The following CSMD1 variants were observed in gnomAD, a reference collection of about 807,000 sequenced individuals.
The protein encoded by CSMD1 is CUB and Sushi multiple domains 1, also known as CUB and sushi domain-containing protein 1.
A neutral mutation model predicts 417.5 loss-of-function variants in CSMD1; 213 were observed. The observed-to-expected ratio is 0.51, with a 90% confidence interval of 0.46 to 0.57. The LOEUF (loss-of-function observed/expected upper bound fraction) is 0.57. CSMD1 is among the 20% of genes least tolerant of loss of function. CSMD1 has a pLI of 0.00. For synonymous variants in CSMD1, 2,862 were observed against 1,736.8 expected (o/e 1.65, Z -16.11); for missense variants, 6,923 against 4,529.7 (o/e 1.53, Z -15.17).
chr8:3,980,735 C>T (rs1055024640), intron 5 of CSMD1, among the ~76,000 whole-genome samples: 1 of 152,112 alleles, frequency 6.6e-6, no homozygotes, highest in Non-Finnish European at 1.5e-5. Context: ...AGCCCCCACC[C>T]TTCTGAATTC....
chr8:4,864,341 G>A (rs1422131294), intron 1 of CSMD1, among the ~76,000 whole-genome samples: 1 of 151,576 alleles, frequency 6.6e-6, no homozygotes, highest in Admixed American at 6.6e-5. Context: ...CATATAATTA[G>A]AATGAAAACA....
intron 5 of CSMD1, among the ~76,000 whole-genome samples, chr8:3,940,895 C>CG (rs1810834718): frequency 1.3e-5 from 2 of 150,988 alleles, no homozygotes; most frequent in East Asian, 3.9e-4. Flanking sequence ...CTTCTCCCCC[C>CG]GAGATTATGT....
intron 5 of CSMD1, among the ~76,000 whole-genome samples, chr8:3,851,464 G>C (rs987408517): frequency 6.6e-6 from 1 of 152,124 alleles, no homozygotes; most frequent in Non-Finnish European, 1.5e-5. Context: ...ATTATCTCAA[G>C]GGAAAAAGTA....
intron 1 of CSMD1, among the ~76,000 whole-genome samples, chr8:4,918,168 G>C (rs557459458): frequency 2.0e-4 from 30 of 152,318 alleles, no homozygotes; most frequent in African/African-American, 7.2e-4. Flanking sequence ...CCGTGTTGGT[G>C]TTGGTGACTC....
rs1163963638 is a variant in CSMD1 at position 4,446,745 on chromosome 8, G to GTC, written c.303-26681_303-26680insGA. On this transcript the variant is annotated intron_variant, in intron 2 of 69. Coordinates refer to ENST00000635120, the MANE Select transcript of CSMD1 (RefSeq NM_033225.6). ...TGTGTGTGTGTGTCTGTGTGTGTGTGTGTGTGTGTCTGTGTGTGTGTGTGT... is the reference window on the plus strand; with the variant it reads ...TGTGTGTGTGTGTCTGTGTGTGTGTGTCTGTGTGTGTCTGTGTGTGTGTGTGT... Among the ~76,000 whole-genome samples, 21 of 115,846 alleles carry GTC rather than the reference G, an allele frequency of 1.8e-4. No individual in the cohort carries two copies. The Middle Eastern group carries it at 0.021, about 115-fold the overall frequency. The allele number at this position is 115,846 out of a possible 152,430, so 76.0% of individuals were successfully genotyped here. A position where few individuals can be genotyped will look rare whatever the true frequency, so the allele number is the denominator to read the frequency against.
chr8:3,246,789 C>T (rs1035686025), intron 26 of CSMD1, among the ~76,000 whole-genome samples: 1 of 152,118 alleles, frequency 6.6e-6, no homozygotes, highest in Non-Finnish European at 1.5e-5. Context: ...TTTTCTTAAT[C>T]ATCAATATTT....
At chr8:4,441,354 C>A (rs192418393) in intron 2 of CSMD1, among the ~76,000 whole-genome samples, 13 of 146,996 alleles carry the variant, frequency 8.8e-5, no homozygotes, top group African/African-American at 3.3e-4. Flanking sequence ...CCCAAGCAAT[C>A]CTCCTGTCTG....
intron 5 of CSMD1, among the ~76,000 whole-genome samples, chr8:3,927,879 A>G (rs1809857159): frequency 6.6e-6 from 1 of 152,302 alleles, no homozygotes; most frequent in South Asian, 2.1e-4. Context: ...AACATTCTTA[A>G]TATGAGAGTC....
chr8:3,750,858 G>C (rs1360490553), intron 6 of CSMD1, among the ~76,000 whole-genome samples: 2 of 152,106 alleles, frequency 1.3e-5, no homozygotes, highest in East Asian at 1.9e-4. Flanking sequence ...AACCATACTG[G>C]AGCTTCCATT....
At chr8:4,585,357 G>C (rs1167629882) in intron 2 of CSMD1, among the ~76,000 whole-genome samples, 11 of 151,910 alleles carry the variant, frequency 7.2e-5, no homozygotes, top group African/African-American at 2.7e-4. Flanking sequence ...TAGAGAACTA[G>C]AAAAAAGGTT....
intron 1 of CSMD1, chr8:4,788,179 A>G (rs1740570437): frequency 1.9e-6 from 3 of 1,596,480 alleles, no homozygotes; most frequent in African/African-American, 2.7e-5. Context: ...GCCTGTGGAA[A>G]TTTTGGCATT....
At chr8:3,603,765 T>C (rs766544634) in intron 8 of CSMD1, among the ~76,000 whole-genome samples, 23 of 152,202 alleles carry the variant, frequency 1.5e-4, no homozygotes, top group Non-Finnish European at 2.8e-4. Flanking sequence ...TTACAAATGT[T>C]TCATCTATTA....
At chr8:3,419,029 G>A (rs1553181) in intron 12 of CSMD1, among the ~76,000 whole-genome samples, 2,886 of 152,072 alleles carry the variant, frequency 0.019, 56 homozygotes, top group East Asian at 0.096. Context: ...CATTATACTC[G>A]AGGCATACAA....
intron 20 of CSMD1, among the ~76,000 whole-genome samples, 168 bp from the exon 21 acceptor site, chr8:3,359,508 A>G (rs961477237): frequency 6.6e-6 from 1 of 150,910 alleles, no homozygotes; most frequent in African/African-American, 2.4e-5. Flanking sequence ...TGTACTATGA[A>G]CTGTCTTATG....
At chr8:4,855,745 C>A (rs1488916210) in intron 1 of CSMD1, among the ~76,000 whole-genome samples, 1 of 151,696 alleles carries the variant, frequency 6.6e-6, no homozygotes, top group Non-Finnish European at 1.5e-5. Flanking sequence ...GCAAAGCCTC[C>A]AAGAAATAAG....
chr8:3,459,079 G>C (rs1370509708), intron 12 of CSMD1, among the ~76,000 whole-genome samples: 1 of 152,212 alleles, frequency 6.6e-6, no homozygotes, highest in Non-Finnish European at 1.5e-5. Flanking sequence ...GTGTGGGGGA[G>C]AACGATGGAT....
intron 5 of CSMD1, among the ~76,000 whole-genome samples, chr8:3,794,654 G>A (rs981742957): frequency 6.6e-6 from 1 of 151,766 alleles, no homozygotes; most frequent in African/African-American, 2.4e-5. Flanking sequence ...TAGAAGTTAT[G>A]TGATTATTTG....
intron 3 of CSMD1, among the ~76,000 whole-genome samples, chr8:4,128,138 C>G (rs900254588): frequency 2.6e-5 from 4 of 152,078 alleles, no homozygotes; most frequent in Admixed American, 6.6e-5. Context: ...CACTCCCACC[C>G]CCACCTCTGG....
chr8:2,991,087 C>T (rs1806344096), intron 54 of CSMD1, among the ~76,000 whole-genome samples: 1 of 152,216 alleles, frequency 6.6e-6, no homozygotes, highest in Non-Finnish European at 1.5e-5. Flanking sequence ...AAGCCTTATA[C>T]AATATACATC....
Sources: gnomAD v4.1 joint callset for allele counts (sites outside exome capture counted in the v4.1 genomes callset) on GRCh38, gnomAD v4.1.1 for gene constraint, MANE v1.5 for transcripts, NCBI Gene and HGNC (gene_info 2026-07-23, HGNC 2026-07-21) for gene names.